The following DIS3L2 variants were observed in gnomAD, a reference collection of about 807,000 sequenced individuals.
The protein encoded by DIS3L2 is DIS3 like 3'-5' exoribonuclease 2.
A neutral mutation model predicts 97.5 loss-of-function variants in DIS3L2; 34 were observed. The ratio of observed to expected loss-of-function variants is 0.35; its 90% CI spans 0.27 to 0.46. The LOEUF (loss-of-function observed/expected upper bound fraction) is 0.46, where lower values mean the gene tolerates loss of function less well. Among genes scored for constraint, DIS3L2 ranks in the 20% least tolerant of loss-of-function variants. The pLI is 1.00. For missense variants in DIS3L2, 1,038 were observed against 1,146.0 expected (o/e 0.91, Z 1.36); for synonymous variants, 435 against 445.2 (o/e 0.98, Z 0.29).
intron 14 of DIS3L2, 28 bp from the exon 15 acceptor site, chr2:232,329,785 T>TCCCCGGGCCCCCCCCCC: frequency 1.0e-6 from 1 of 967,144 alleles, no homozygotes; most frequent in Non-Finnish European, 1.5e-6. Flanking sequence ...ACCCCAGCGG[T>TCCCCGGGCCCCCCCCCC]CCCTCCCATC....
At chr2:232,096,832 A>T (rs1697030926) in intron 6 of DIS3L2, among the ~76,000 whole-genome samples, 1 of 151,798 alleles carries the variant, frequency 6.6e-6, no homozygotes, top group Non-Finnish European at 1.5e-5. Context: ...CTTTTCTATT[A>T]TCTTGAATTT....
At chr2:232,248,020 A>G (rs1202364068) in intron 11 of DIS3L2, among the ~76,000 whole-genome samples, 1 of 152,238 alleles carries the variant, frequency 6.6e-6, no homozygotes, top group Non-Finnish European at 1.5e-5. Flanking sequence ...AAGACATGAC[A>G]TTCTTTAGAA....
At chr2:232,300,652 C>CTTTT (rs35570747) in intron 14 of DIS3L2, among the ~76,000 whole-genome samples, 2 of 121,484 alleles carry the variant, frequency 1.6e-5, no homozygotes, top group Admixed American at 8.5e-5. Context: ...TAGACTGCTC[C>CTTTT]TTTTTTTTTT....
chr2:232,239,865 A>G (rs1047279166), intron 11 of DIS3L2, among the ~76,000 whole-genome samples: 1 of 152,192 alleles, frequency 6.6e-6, no homozygotes, highest in African/African-American at 2.4e-5. Context: ...CATGTTTTCA[A>G]CTTGTCCACC....
chr2:232,000,764 A>C (rs1219738798), intron 1 of DIS3L2, among the ~76,000 whole-genome samples: 2 of 94,882 alleles, frequency 2.1e-5, no homozygotes, highest in Non-Finnish European at 4.1e-5. Context: ...GGATTTCACC[A>C]TGTTGTTGCC....
At chr2:232,028,111 C>T (rs1258717257) in intron 4 of DIS3L2, among the ~76,000 whole-genome samples, 4 of 152,144 alleles carry the variant, frequency 2.6e-5, no homozygotes, top group Non-Finnish European at 4.4e-5. Flanking sequence ...CTGTGACCAT[C>T]GTGGCATATT....
At chr2:231,991,822 A>G (rs1013109582) in intron 1 of DIS3L2, among the ~76,000 whole-genome samples, 88 of 152,164 alleles carry the variant, frequency 5.8e-4, no homozygotes, top group Non-Finnish European at 4.0e-4. Flanking sequence ...TTGAGAGTAC[A>G]CAGGGCATCT....
chr2:232,148,748 C>CTTTTTTTTTT (rs34837114), intron 8 of DIS3L2, among the ~76,000 whole-genome samples: 1 of 98,898 alleles, frequency 1.0e-5, no homozygotes, highest in African/African-American at 3.9e-5. Context: ...AATTTTCTTT[C>CTTTTTTTTTT]TTTTTTTTTT....
At chr2:232,329,785 T>TCCCCGGGGGCCCCCCCCC in intron 14 of DIS3L2, 28 bp from the exon 15 acceptor site, 3 of 967,138 alleles carry the variant, frequency 3.1e-6, no homozygotes, top group African/African-American at 1.7e-5. Flanking sequence ...ACCCCAGCGG[T>TCCCCGGGGGCCCCCCCCC]CCCTCCCATC....
At chr2:232,342,094 G>A (rs1696113224), downstream of DIS3L2, among the ~76,000 whole-genome samples, 1 of 139,290 alleles carries the variant, frequency 7.2e-6, no homozygotes, top group Non-Finnish European at 1.5e-5. Flanking sequence ...AACATCAGTA[G>A]GCTGTGTGTG....
intron 9 of DIS3L2, among the ~76,000 whole-genome samples, chr2:232,185,686 C>CA (rs1488042818): frequency 1.3e-5 from 2 of 151,962 alleles, no homozygotes; most frequent in Non-Finnish European, 2.9e-5. Context: ...AAAATAAAAA[C>CA]AAAAAACCCC....
At chr2:232,287,103 A>G (rs1694454073) in intron 13 of DIS3L2, among the ~76,000 whole-genome samples, 1 of 152,116 alleles carries the variant, frequency 6.6e-6, no homozygotes, top group African/African-American at 2.4e-5. Context: ...AAAAAGTTAG[A>G]CTTTGAGATC....
intron 13 of DIS3L2, among the ~76,000 whole-genome samples, chr2:232,273,698 A>G (rs967544219): frequency 2.0e-5 from 3 of 152,198 alleles, no homozygotes; most frequent in Non-Finnish European, 4.4e-5. Flanking sequence ...CTCACTTCTC[A>G]GACCAACTGT....
intron 9 of DIS3L2, among the ~76,000 whole-genome samples, chr2:232,187,628 A>G (rs1691477656): frequency 6.6e-6 from 1 of 151,970 alleles, no homozygotes; most frequent in Admixed American, 6.6e-5. Flanking sequence ...TTTTTAGTAG[A>G]GACAGGGTTT....
At chr2:231,982,251 A>G (rs1178122135) in intron 1 of DIS3L2, among the ~76,000 whole-genome samples, 2 of 152,120 alleles carry the variant, frequency 1.3e-5, no homozygotes, top group Non-Finnish European at 2.9e-5. Context: ...TATGTTCATA[A>G]ATGAGATTGG....
chr2:232,084,585 ATT>A (rs1252903327), intron 5 of DIS3L2, among the ~76,000 whole-genome samples: 1 of 152,134 alleles, frequency 6.6e-6, no homozygotes, highest in East Asian at 1.9e-4. Context: ...CTTTTTGGAG[ATT>A]GCTGGCCTGG....
At chr2:232,329,758 T>C (rs1695677275) in intron 14 of DIS3L2, 55 bp from the exon 15 acceptor site, 1 of 1,427,282 alleles carries the variant, frequency 7.0e-7, no homozygotes, top group African/African-American at 1.5e-5. Context: ...TGGGAAAGCC[T>C]GCGCACCTGT....
chr2:232,026,808 T>G (rs1371655789), intron 4 of DIS3L2, among the ~76,000 whole-genome samples: 1 of 152,182 alleles, frequency 6.6e-6, no homozygotes, highest in African/African-American at 2.4e-5. Flanking sequence ...GGTGATGTTT[T>G]AAAAGCTCAT....
chr2:232,308,814 C>T (rs917574862), intron 14 of DIS3L2, among the ~76,000 whole-genome samples: 2 of 152,198 alleles, frequency 1.3e-5, no homozygotes, highest in African/African-American at 4.8e-5. Flanking sequence ...CTTGGCATCC[C>T]CCGGGGTCTC....
Sources: gnomAD v4.1 joint callset for allele counts (sites outside exome capture counted in the v4.1 genomes callset) on GRCh38, gnomAD v4.1.1 for gene constraint, MANE v1.5 for transcripts, NCBI Gene and HGNC (gene_info 2026-07-23, HGNC 2026-07-21) for gene names.